The following CDH4 variants were observed in gnomAD, a reference collection of about 807,000 sequenced individuals.
CDH4 encodes cadherin-4.
In CDH4, 33 loss-of-function variants were observed where a neutral mutation model predicts 86.0. That is an observed-to-expected ratio of 0.38 (90% CI 0.29 to 0.51). The LOEUF is 0.51. CDH4 is among the 20% of genes least tolerant of loss of function. CDH4 has a pLI of 0.86. For synonymous variants in CDH4, 555 were observed against 549.4 expected, an observed-to-expected ratio of 1.01 and a Z score of -0.14; for missense variants, 1,114 against 1,307.4, an observed-to-expected ratio of 0.85 and a Z score of 2.28.
intron 7 of CDH4, among the ~76,000 whole-genome samples, chr20:61,885,072 G>A (rs552226592): frequency 6.6e-6 from 1 of 152,218 alleles, no homozygotes; most frequent in East Asian, 1.9e-4. Flanking sequence ...CCATGCTAGA[G>A]TGGACATAGG....
At chr20:61,846,675 T>G (rs1467402172) in intron 5 of CDH4, among the ~76,000 whole-genome samples, 2 of 152,134 alleles carry the variant, frequency 1.3e-5, no homozygotes, top group Admixed American at 1.3e-4. Context: ...AGACAGAGAC[T>G]TGATACAAGT....
At chr20:61,559,354 T>TC (rs1257899472) in intron 2 of CDH4, among the ~76,000 whole-genome samples, 2 of 151,750 alleles carry the variant, frequency 1.3e-5, no homozygotes, top group Non-Finnish European at 2.9e-5. Flanking sequence ...GTATTGCTGC[T>TC]CGTTGGAATG....
intron 6 of CDH4, among the ~76,000 whole-genome samples, chr20:61,868,688 T>C (rs1341103247): frequency 2.6e-5 from 4 of 152,002 alleles, no homozygotes; most frequent in African/African-American, 9.7e-5. Flanking sequence ...ACTGGCCGGG[T>C]GTCCCTCCAC....
intron 3 of CDH4, among the ~76,000 whole-genome samples, chr20:61,761,107 C>T (rs188675567): frequency 9.2e-5 from 14 of 152,024 alleles, no homozygotes; most frequent in Admixed American, 5.9e-4. Flanking sequence ...AAAGGTACAC[C>T]GAAAAGGAAA....
intron 2 of CDH4, chr20:61,370,937 G>A (rs1164353415): frequency 2.0e-5 from 3 of 152,224 alleles, no homozygotes; most frequent in Non-Finnish European, 2.9e-5. Context: ...CCTTTCCCCC[G>A]CGCCGTTTGT....
At chr20:61,600,699 A>G (rs573756504) in intron 2 of CDH4, among the ~76,000 whole-genome samples, 10 of 152,380 alleles carry the variant, frequency 6.6e-5, no homozygotes, top group African/African-American at 2.4e-4. Flanking sequence ...AAGGCATAGT[A>G]TATGCAAGTA....
At position 61,566,876 on chromosome 20, in the gene CDH4, C is replaced by T. The variant is rs543259624; in HGVS notation, c.170-176687C>T. Among the ~76,000 whole-genome samples, 17 of 152,202 alleles carry T rather than the reference C, an allele frequency of 1.1e-4. No individual in the cohort carries two copies. The East Asian group carries it at 2.9e-3, about 26-fold the overall frequency. On this transcript the variant is annotated intron_variant, in intron 2 of 15. Transcript: ENST00000614565. ...GGTTTGCGCGGGAGGCTGCCGATGG[C>T]ACGCGGCTCACAGATAATGCGGGAA...
intron 1 of CDH4, among the ~76,000 whole-genome samples, chr20:61,254,623 C>G (rs1474988368): frequency 6.6e-6 from 1 of 152,138 alleles, no homozygotes; most frequent in African/African-American, 2.4e-5. Flanking sequence ...GAAGGATGCT[C>G]CTGGTCTGTA....
intron 7 of CDH4, among the ~76,000 whole-genome samples, chr20:61,880,534 G>A (rs1297919612): frequency 6.6e-6 from 1 of 152,236 alleles, no homozygotes; most frequent in Non-Finnish European, 1.5e-5. Flanking sequence ...ACCCAGCCAA[G>A]GAGCCGTCAT....
rs1351459325 is a variant in CDH4, at chr20:61,399,181, G to A, written c.169+144244G>A. Among the ~76,000 whole-genome samples, 9 of 43,230 alleles carry A rather than the reference G, an allele frequency of 2.1e-4. 3 individuals are homozygous for A. The highest frequency in any genetic ancestry group is 1.6e-3 in the Admixed American group (6 of 3,784). The allele number at this position is 43,230 out of a possible 152,430, so 28.4% of individuals were successfully genotyped here. A position where few individuals can be genotyped will look rare whatever the true frequency, so the allele number is the denominator to read the frequency against. ...CACTCTGTCGCCCAGGCCGGACTGC[G>A]GACTGCAGTGGCGCAATCTCGGCTC... On this transcript the variant is annotated intron_variant, in intron 2 of 15. Transcript: ENST00000614565.
chr20:61,336,354 G>A (rs944307205), intron 2 of CDH4, among the ~76,000 whole-genome samples: 6 of 151,742 alleles, frequency 4.0e-5, no homozygotes, highest in African/African-American at 7.3e-5. Flanking sequence ...CTTCCTCCTC[G>A]ACCATCAACA....
At position 61,882,764 on chromosome 20, in the gene CDH4, G is replaced by A. The variant is rs181923898; in HGVS notation, c.1050+8864G>A. ...AGAATGGGAGAGGGAACGTGTCTGC[G>A]GAAGGGCTGGATATTCCCGAGGGTT... On this transcript the variant is annotated intron_variant, in intron 7 of 15. Coordinates refer to ENST00000614565, the MANE Select transcript of CDH4 (RefSeq NM_001794.5). 9.4e-3 allele frequency among the ~76,000 whole-genome samples: 1,432 copies of A among 152,318 alleles called. 15 individuals are homozygous for A. Among genetic ancestry groups the A allele is most frequent in the Non-Finnish European group, 0.015 (1,026 of 68,018 alleles).
chr20:61,714,124 A>G (rs1175344922), intron 2 of CDH4, among the ~76,000 whole-genome samples: 5 of 151,252 alleles, frequency 3.3e-5, no homozygotes, highest in Admixed American at 6.6e-5. Context: ...TTGGCTCACT[A>G]CAAGCTCTGC....
intron 2 of CDH4, among the ~76,000 whole-genome samples, chr20:61,421,619 T>G (rs1049111475): frequency 2.6e-5 from 4 of 152,106 alleles, no homozygotes; most frequent in African/African-American, 7.2e-5. Context: ...ACACTTAAGA[T>G]GTGCATGTTT....
chr20:61,526,038 T>G (rs191222855), intron 2 of CDH4, among the ~76,000 whole-genome samples: 134 of 152,324 alleles, frequency 8.8e-4, no homozygotes, highest in African/African-American at 3.1e-3. Context: ...CGAGTTATCT[T>G]GCCCAAGAAC....
intron 15 of CDH4, among the ~76,000 whole-genome samples, chr20:61,935,440 C>A (rs2123019159): frequency 6.6e-6 from 1 of 151,854 alleles, no homozygotes; most frequent in Middle Eastern, 3.4e-3. Context: ...GTTTGCCCTG[C>A]CCAGTCTATA....
At chr20:61,581,310 T>C (rs746409197) in intron 2 of CDH4, among the ~76,000 whole-genome samples, 18 of 152,210 alleles carry the variant, frequency 1.2e-4, no homozygotes, top group Non-Finnish European at 2.4e-4. Context: ...CGGTTTGTTC[T>C]CTTGCAGTTC....
intron 2 of CDH4, among the ~76,000 whole-genome samples, chr20:61,274,798 T>C (rs1183151886): frequency 2.1e-5 from 3 of 144,214 alleles, no homozygotes; most frequent in Non-Finnish European, 3.0e-5. Context: ...TGTGTGCAGT[T>C]TGGGGGAGTA....
At chr20:61,346,274 C>T (rs894551540) in intron 2 of CDH4, among the ~76,000 whole-genome samples, 27 of 147,898 alleles carry the variant, frequency 1.8e-4, no homozygotes, top group Non-Finnish European at 2.3e-4. Context: ...AACCACAAGA[C>T]GGCCCCAGGG....
Sources: gnomAD v4.1 joint callset for allele counts (sites outside exome capture counted in the v4.1 genomes callset) on GRCh38, gnomAD v4.1.1 for gene constraint, MANE v1.5 for transcripts, NCBI Gene and HGNC (gene_info 2026-07-23, HGNC 2026-07-21) for gene names.